Variants in NCKAP5 observed in about 807,000 individuals in gnomAD.
The protein encoded by NCKAP5 is NCK associated protein 5.
NCKAP5 carries 92 observed loss-of-function variants against 167.0 expected under a neutral mutation model. The observed-to-expected ratio is 0.55, with a 90% CI of 0.47 to 0.66. The LOEUF (loss-of-function observed/expected upper bound fraction) is 0.66. Among genes scored for constraint, NCKAP5 ranks in the 30% least tolerant of loss-of-function variants. NCKAP5 has a pLI of 0.00. For synonymous variants in NCKAP5, 891 were observed against 877.4 expected, an observed-to-expected ratio of 1.02 and a Z score of -0.27; for missense variants, 2,378 against 2,315.0, an observed-to-expected ratio of 1.03 and a Z score of -0.56.
intron 9 of NCKAP5, among the ~76,000 whole-genome samples, chr2:132,870,944 T>C (rs762261076): frequency 7.2e-5 from 11 of 152,082 alleles, no homozygotes; most frequent in Non-Finnish European, 1.3e-4. Context: ...TTAAATTATA[T>C]GCACAAGAAG....
At chr2:133,105,676 A>C (rs80321064) in intron 6 of NCKAP5, among the ~76,000 whole-genome samples, 1,611 of 152,320 alleles carry the variant, frequency 0.011, 26 homozygotes, top group African/African-American at 0.037. Context: ...AGAATCTAAG[A>C]GGACCAGCTG....
At chr2:132,694,232 AT>A (rs1302108753) in intron 19 of NCKAP5, among the ~76,000 whole-genome samples, 5 of 152,088 alleles carry the variant, frequency 3.3e-5, no homozygotes, top group African/African-American at 1.2e-4. Flanking sequence ...GATTACATTA[AT>A]TCTCTAAAAT....
intron 6 of NCKAP5, among the ~76,000 whole-genome samples, chr2:133,126,340 T>C (rs1470169392): frequency 6.6e-6 from 1 of 152,196 alleles, no homozygotes; most frequent in Non-Finnish European, 1.5e-5. Flanking sequence ...GTCAGCATCT[T>C]ATGCCTCTGT....
At chr2:132,869,978 A>C (rs1471262940) in intron 9 of NCKAP5, among the ~76,000 whole-genome samples, 1 of 152,182 alleles carries the variant, frequency 6.6e-6, no homozygotes, top group East Asian at 1.9e-4. Context: ...CATTTTCTTC[A>C]AGTATCAGGC....
At chr2:133,403,988 C>T (rs542546759) in intron 3 of NCKAP5, among the ~76,000 whole-genome samples, 1 of 152,230 alleles carries the variant, frequency 6.6e-6, no homozygotes, top group Admixed American at 6.5e-5. Flanking sequence ...TGCCCCTCAG[C>T]TGGGCAGCCC....
intron 5 of NCKAP5, among the ~76,000 whole-genome samples, chr2:133,175,501 A>C (rs2084421630): frequency 6.6e-6 from 1 of 152,046 alleles, no homozygotes; most frequent in South Asian, 2.1e-4. Flanking sequence ...AGTTTCATGT[A>C]CTGTTCTTCA....
intron 6 of NCKAP5, among the ~76,000 whole-genome samples, chr2:133,011,380 A>C (rs545973612): frequency 3.0e-4 from 45 of 152,318 alleles, no homozygotes; most frequent in African/African-American, 1.0e-3. Context: ...CCTCAAAACA[A>C]AGGACTGCGC....
chr2:133,648,395 T>C, the NCKAP5 span, among the ~76,000 whole-genome samples: 1 of 152,170 alleles, frequency 6.6e-6, no homozygotes, highest in African/African-American at 2.4e-5. Context: ...TAAATAATGC[T>C]ATAAATCAAA....
chr2:133,448,787 A>T (rs375053100), intron 3 of NCKAP5, among the ~76,000 whole-genome samples: 1 of 152,214 alleles, frequency 6.6e-6, no homozygotes, highest in Non-Finnish European at 1.5e-5. Context: ...CTACAGGTGC[A>T]TGCCATCACA....
At chr2:133,250,902 C>G (rs1167767422) in intron 4 of NCKAP5, among the ~76,000 whole-genome samples, 2 of 152,050 alleles carry the variant, frequency 1.3e-5, no homozygotes, top group Non-Finnish European at 2.9e-5. Flanking sequence ...AGCACTCCAG[C>G]CTGGGTGACA....
chr2:133,612,295 C>G, the NCKAP5 span, among the ~76,000 whole-genome samples: 1 of 152,124 alleles, frequency 6.6e-6, no homozygotes, highest in Non-Finnish European at 1.5e-5. Flanking sequence ...AGAAAAATAT[C>G]TGGATTTAGT....
intron 6 of NCKAP5, among the ~76,000 whole-genome samples, chr2:133,128,822 T>C (rs986392026): frequency 2.0e-5 from 3 of 152,128 alleles, no homozygotes; most frequent in Non-Finnish European, 2.9e-5. Flanking sequence ...GGTCTTGAAC[T>C]CCTGACCTCA....
intron 3 of NCKAP5, among the ~76,000 whole-genome samples, chr2:133,386,825 C>T (rs569852299): frequency 6.6e-6 from 1 of 152,206 alleles, no homozygotes; most frequent in Admixed American, 6.5e-5. Context: ...CTCTTTTGAT[C>T]TTTGTTGGTT....
At chr2:132,697,589 T>G (rs139381694) in intron 19 of NCKAP5, among the ~76,000 whole-genome samples, 144 of 137,548 alleles carry the variant, frequency 1.0e-3, no homozygotes, top group African/African-American at 4.1e-3. Context: ...CTACTGTGGA[T>G]GAACTTAAGG....
At position 133,501,888 on chromosome 2, in the gene NCKAP5, C is replaced by T. The variant is rs192926512; in HGVS notation, c.69+15570G>A. Among the ~76,000 whole-genome samples the T allele has an allele frequency of 1.9e-4, 29 of 152,328 alleles. 1 individual carries two copies. In the East Asian group the frequency reaches 4.0e-3, roughly 21 times the overall value. On this transcript the variant is annotated intron_variant, in intron 3 of 19. Transcript: ENST00000409261. Reference sequence around the variant, plus strand: ...TTCAAGAAATAGCACTACACAACATCTTATCATTTTCTAGTCCTCCTGGGA... The same window carrying T: ...TTCAAGAAATAGCACTACACAACATTTTATCATTTTCTAGTCCTCCTGGGA...
intron 9 of NCKAP5, among the ~76,000 whole-genome samples, chr2:132,875,107 G>A (rs1211580573): frequency 6.6e-6 from 1 of 152,032 alleles, no homozygotes; most frequent in Non-Finnish European, 1.5e-5. Flanking sequence ...TAATTGTGGT[G>A]TTCTTAACCC....
chr2:133,540,581 G>C (rs35668347), intron 2 of NCKAP5, among the ~76,000 whole-genome samples: 41,858 of 152,052 alleles, frequency 0.28, 6,282 homozygotes, highest in East Asian at 0.37. Context: ...ATAGGAGATT[G>C]CAGTAAGCAA....
intron 11 of NCKAP5, among the ~76,000 whole-genome samples, chr2:132,838,525 G>C (rs1382096084): frequency 6.6e-6 from 1 of 152,052 alleles, no homozygotes; most frequent in African/African-American, 2.4e-5. Flanking sequence ...CCAGCTACTC[G>C]GGAGGCTGAG....
chr2:132,865,576 C>T lies in NCKAP5; in HGVS notation c.687+3360G>A, dbSNP rs1188229052. Among the ~76,000 whole-genome samples the T allele has an allele frequency of 5.3e-5, 8 of 152,294 alleles. No individual in the cohort carries two copies. In the South Asian group the frequency reaches 1.0e-3, roughly 20 times the overall value. ...AATACTTCCAGAAGTTTTAGGAAGT[C>T]CTGTGGCTACCCTGCCTTTTATTTT... On this transcript the variant is annotated intron_variant, in intron 10 of 19. Coordinates refer to ENST00000409261, the MANE Select transcript of NCKAP5 (RefSeq NM_207363.3).
Sources: gnomAD v4.1 joint callset for allele counts (sites outside exome capture counted in the v4.1 genomes callset) on GRCh38, gnomAD v4.1.1 for gene constraint, MANE v1.5 for transcripts, NCBI Gene and HGNC (gene_info 2026-07-23, HGNC 2026-07-21) for gene names.